Variants in SGCD observed in about 807,000 individuals in gnomAD.
SGCD encodes the protein delta-sarcoglycan.
A neutral mutation model predicts 36.6 loss-of-function variants in SGCD; 18 were observed. The ratio of observed to expected loss-of-function variants is 0.49; its 90% CI spans 0.34 to 0.73. SGCD has a LOEUF of 0.73. Among genes scored for constraint, SGCD ranks in the 30% least tolerant of loss-of-function variants. The pLI, the probability that SGCD is intolerant of heterozygous loss-of-function variation, is 0.01. For missense variants in SGCD, 387 were observed against 346.7 expected (o/e 1.12, Z -0.92); for synonymous variants, 133 against 130.6 (o/e 1.02, Z -0.12).
At chr5:156,187,990 G>T (rs1763803406) in intron 3 of SGCD, among the ~76,000 whole-genome samples, 1 of 151,828 alleles carries the variant, frequency 6.6e-6, no homozygotes, top group Non-Finnish European at 1.5e-5. Context: ...TAAGATTAGG[G>T]TGAGGCAGTG....
chr5:155,778,240 A>G, the SGCD span, among the ~76,000 whole-genome samples: 1 of 152,190 alleles, frequency 6.6e-6, no homozygotes, highest in Non-Finnish European at 1.5e-5. Flanking sequence ...TGTGTCTTGC[A>G]TGGCTTAGTT....
chr5:156,432,307 C>T (rs1753056300), intron 3 of SGCD, among the ~76,000 whole-genome samples: 1 of 152,188 alleles, frequency 6.6e-6, no homozygotes, highest in Non-Finnish European at 1.5e-5. Context: ...CAGCATGTTA[C>T]AGGTGGTGGA....
chr5:156,598,816 C>A (rs1393319420), intron 6 of SGCD, among the ~76,000 whole-genome samples: 1 of 152,124 alleles, frequency 6.6e-6, no homozygotes, highest in African/African-American at 2.4e-5. Flanking sequence ...TCTACCCTAC[C>A]CCACCCCCAC....
intron 2 of SGCD, among the ~76,000 whole-genome samples, chr5:156,343,516 A>G (rs1454034025): frequency 2.6e-5 from 4 of 152,150 alleles, no homozygotes; most frequent in Non-Finnish European, 4.4e-5. Flanking sequence ...GGCATTTTCT[A>G]GCTTTATTTA....
rs1753792575 is a variant in SGCD, at chr5:156,447,336, C to A, written c.193-61265C>A. Among the ~76,000 whole-genome samples, 3 of 152,122 alleles carry A rather than the reference C, an allele frequency of 2.0e-5. No individual in the cohort carries two copies. In the South Asian group the frequency reaches 6.2e-4, roughly 31 times the overall value. On this transcript the variant is annotated intron_variant, in intron 3 of 8. Coordinates refer to ENST00000337851, the MANE Select transcript of SGCD (RefSeq NM_000337.6). ...AGTTTCTGTAGCATTCAATCTAATA[C>A]AATATAACACACAAATGAGTGCTTA...
chr5:155,745,651 A>G, the SGCD span, among the ~76,000 whole-genome samples: 1 of 152,106 alleles, frequency 6.6e-6, no homozygotes, highest in South Asian at 2.1e-4. Flanking sequence ...TGTGAGTAGA[A>G]TATATAAAAA....
chr5:156,624,082 G>A (rs944275100), intron 6 of SGCD, among the ~76,000 whole-genome samples: 1 of 152,148 alleles, frequency 6.6e-6, no homozygotes, highest in Non-Finnish European at 1.5e-5. Flanking sequence ...GCAATATGAT[G>A]TCTGAGAAAT....
At chr5:156,007,453 C>T (rs1371437507) in intron 1 of SGCD, among the ~76,000 whole-genome samples, 1 of 152,190 alleles carries the variant, frequency 6.6e-6, no homozygotes, top group Non-Finnish European at 1.5e-5. Flanking sequence ...TAAGTTTTCA[C>T]ATTAAAATTG....
rs540397783 is a variant in SGCD, at chr5:156,561,107, T to C, written c.295-28124T>C. Among the ~76,000 whole-genome samples, 291 of 152,294 alleles carry C rather than the reference T, an allele frequency of 1.9e-3. 4 individuals are homozygous for C. Among genetic ancestry groups the C allele is most frequent in the African/African-American group, 6.8e-3 (282 of 41,570 alleles). On this transcript the variant is annotated intron_variant, in intron 4 of 8. Coordinates refer to ENST00000337851, the MANE Select transcript of SGCD (RefSeq NM_000337.6). ...TGAAGGATATGATTGAATTCAAAAATATGGAGAGACGTACCTTTCTATAAT... is the reference window on the plus strand; with the variant it reads ...TGAAGGATATGATTGAATTCAAAAACATGGAGAGACGTACCTTTCTATAAT...
chr5:155,810,331 T>A, the SGCD span, among the ~76,000 whole-genome samples: 4 of 152,208 alleles, frequency 2.6e-5, no homozygotes, highest in Admixed American at 2.6e-4. Flanking sequence ...AGAAGTCAAG[T>A]CACCTTTTAA....
chr5:155,852,477 A>G, the SGCD span, among the ~76,000 whole-genome samples: 102 of 152,324 alleles, frequency 6.7e-4, 1 homozygote, highest in South Asian at 4.6e-3. Context: ...TGAAGATAAT[A>G]GCCTAACTTT....
At chr5:155,987,472 G>A (rs527625098) in intron 1 of SGCD, among the ~76,000 whole-genome samples, 70 of 152,224 alleles carry the variant, frequency 4.6e-4, no homozygotes, top group African/African-American at 1.5e-3. Context: ...CAGTTTCTAC[G>A]AAACCCATCT....
At chr5:155,809,653 A>C in the SGCD span, among the ~76,000 whole-genome samples, 1 of 152,230 alleles carries the variant, frequency 6.6e-6, no homozygotes, top group Admixed American at 6.5e-5. Flanking sequence ...AAAGAGAAAG[A>C]GAAAGAGAGG....
At chr5:155,874,462 A>G (rs1755724065) in intron 1 of SGCD, among the ~76,000 whole-genome samples, 2 of 152,168 alleles carry the variant, frequency 1.3e-5, no homozygotes, top group East Asian at 3.8e-4. Context: ...CCTCGGTTAA[A>G]AAAATGAAGT....
At chr5:156,501,453 T>C (rs894246432) in intron 3 of SGCD, among the ~76,000 whole-genome samples, 1 of 152,212 alleles carries the variant, frequency 6.6e-6, no homozygotes, top group East Asian at 1.9e-4. Flanking sequence ...TCTATTGCGC[T>C]GCTACTCTGA....
At chr5:156,625,017 T>G (rs534538492) in intron 6 of SGCD, among the ~76,000 whole-genome samples, 2 of 152,300 alleles carry the variant, frequency 1.3e-5, no homozygotes, top group Middle Eastern at 3.4e-3. Context: ...TATGGGTTGG[T>G]GGAAGATAAA....
At chr5:156,002,404 C>G (rs1758682672) in intron 1 of SGCD, among the ~76,000 whole-genome samples, 1 of 152,174 alleles carries the variant, frequency 6.6e-6, no homozygotes, top group South Asian at 2.1e-4. Context: ...AGCCACTCAG[C>G]CTTGTGGTAT....
At chr5:156,477,884 G>A (rs1334521394) in intron 3 of SGCD, among the ~76,000 whole-genome samples, 1 of 152,126 alleles carries the variant, frequency 6.6e-6, no homozygotes, top group Non-Finnish European at 1.5e-5. Context: ...TGGGTTCCAT[G>A]AATGGTTAAC....
At chr5:156,059,978 A>G (rs1216589964) in intron 1 of SGCD, among the ~76,000 whole-genome samples, 2 of 146,540 alleles carry the variant, frequency 1.4e-5, no homozygotes, top group Non-Finnish European at 3.1e-5. Flanking sequence ...TTGTCTTTAT[A>G]TCTATATGGT....
Sources: gnomAD v4.1 joint callset for allele counts (sites outside exome capture counted in the v4.1 genomes callset) on GRCh38, gnomAD v4.1.1 for gene constraint, MANE v1.5 for transcripts, NCBI Gene and HGNC (gene_info 2026-07-23, HGNC 2026-07-21) for gene names.